RIPOR3: variants seen among roughly 807,000 people sequenced by gnomAD.
The protein encoded by RIPOR3 is family with sequence similarity 65 member C.
RIPOR3 carries 95 observed loss-of-function variants against 114.3 expected under a neutral mutation model. The observed-to-expected ratio is 0.83, with a 90% CI of 0.70 to 0.99. The LOEUF (loss-of-function observed/expected upper bound fraction) is 0.99. RIPOR3 is among the 50% of genes least tolerant of loss of function. The pLI, the probability that RIPOR3 is intolerant of heterozygous loss-of-function variation, is 0.00. For missense variants in RIPOR3, 1,252 were observed against 1,266.9 expected (o/e 0.99, Z 0.18); for synonymous variants, 575 against 543.8 (o/e 1.06, Z -0.80).
intron 2 of RIPOR3, among the ~76,000 whole-genome samples, chr20:50,623,778 G>T (rs1413651112): frequency 2.0e-5 from 3 of 152,182 alleles, no homozygotes; most frequent in African/African-American, 7.2e-5. Flanking sequence ...GCCGCCAGGA[G>T]CTCGCTAAGG....
At position 50,597,727 on chromosome 20, in the gene RIPOR3, C is replaced by T; in HGVS notation, c.1660-17G>A. ...TCTGCAGGGCTGTGGACGAAGTGGCCAGACCTGAGGGCAACACCGGGCCCC... is the reference window on the plus strand; with the variant it reads ...TCTGCAGGGCTGTGGACGAAGTGGCTAGACCTGAGGGCAACACCGGGCCCC... On this transcript the variant is annotated splice_polypyrimidine_tract_variant and intron_variant, in intron 13 of 21. Transcript: ENST00000327979. 2 of 1,610,850 alleles carry T rather than the reference C, an allele frequency of 1.2e-6. No individual in the cohort carries two copies. Among genetic ancestry groups the T allele is most frequent in the South Asian group, 1.1e-5 (1 of 90,522 alleles).
chr20:50,687,155 C>T (rs908291648), intron 1 of RIPOR3, among the ~76,000 whole-genome samples: 9 of 152,234 alleles, frequency 5.9e-5, no homozygotes, highest in East Asian at 3.8e-4. Flanking sequence ...GGAGCCGCTG[C>T]GGACAGAATC....
At chr20:50,658,338 G>C (rs2085885491) in intron 1 of RIPOR3, among the ~76,000 whole-genome samples, 1 of 152,154 alleles carries the variant, frequency 6.6e-6, no homozygotes, top group Non-Finnish European at 1.5e-5. Context: ...AAGAAAATAT[G>C]CCCATCACAC....
At chr20:50,592,098 A>T (rs954899245) in intron 19 of RIPOR3, among the ~76,000 whole-genome samples, 1 of 152,236 alleles carries the variant, frequency 6.6e-6, no homozygotes, top group East Asian at 1.9e-4. Context: ...ACAGACAGAC[A>T]AAAAACGCAC....
Position 50,602,174 on chromosome 20 carries a change from C to A in RIPOR3, c.1557G>T (p.Gly519=). 6.2e-7 allele frequency: 1 copy of A among 1,613,066 alleles called. No individual in the cohort carries two copies. Among genetic ancestry groups the A allele is most frequent in the Non-Finnish European group, 8.5e-7 (1 of 1,179,738 alleles). ...GCAACTCCAGGACCTCCTGCAGAGG[C>A]CCCTCGAGGGCCACGCCAGGCCCGT... is the stretch of plus-strand genomic sequence containing the variant. ...REDGPGVALE[G]PLQEVLELLR... is the part of the protein sequence containing the mutation. The change falls in exon 13 of 22, where the codon GGG becomes GGT. Residue 519 remains glycine, a synonymous_variant. Transcript: ENST00000327979. This position sits in a 1 kb window ranked among gnomAD's most constrained non-coding sequence, Gnocchi z 4.3.
In RIPOR3 at chr20:50,609,517, C is replaced by T. The variant is rs1329588793; in HGVS notation, c.576+56G>A. 4 of 1,437,848 alleles carry T rather than the reference C, an allele frequency of 2.8e-6. No homozygotes were observed. The East Asian group carries it at 1.0e-4, about 36-fold the overall frequency. The allele number at this position is 1,437,848 out of a possible 1,614,324, so 89.1% of individuals were successfully genotyped here. On this transcript the variant is annotated intron_variant, in intron 7 of 21. Coordinates refer to ENST00000327979, the MANE Select transcript of RIPOR3 (RefSeq NM_001290268.2). ...ACTGGCCCAGCTCTCGATGTCCCCA[C>T]TGCCCGGCCCAGCTCTTGCTGCCCC...
intron 11 of RIPOR3, among the ~76,000 whole-genome samples, chr20:50,606,651 A>C (rs1038255583): frequency 6.6e-6 from 1 of 152,092 alleles, no homozygotes; most frequent in Non-Finnish European, 1.5e-5. Context: ...AGGGTACTTA[A>C]AGCCCAGAAA....
intron 1 of RIPOR3, among the ~76,000 whole-genome samples, chr20:50,686,966 A>G (rs4809809): frequency 0.61 from 92,570 of 151,452 alleles, 29,060 homozygotes; most frequent in Middle Eastern, 0.7. Context: ...AAAACTGGAA[A>G]GGGCCCACCT....
chr20:50,625,065 C>CTT (rs201248716), intron 2 of RIPOR3, among the ~76,000 whole-genome samples: 50 of 142,922 alleles, frequency 3.5e-4, no homozygotes, highest in African/African-American at 1.1e-3. Context: ...GCTCTCAGTG[C>CTT]TTTTGTTTTT....
At chr20:50,657,537 G>C (rs2123438619) in intron 1 of RIPOR3, among the ~76,000 whole-genome samples, 1 of 152,036 alleles carries the variant, frequency 6.6e-6, no homozygotes, top group Non-Finnish European at 1.5e-5. Flanking sequence ...GAAAAAAAAA[G>C]AGAGAAAGAG....
intron 1 of RIPOR3, among the ~76,000 whole-genome samples, chr20:50,680,727 A>G (rs975906635): frequency 6.6e-5 from 10 of 152,126 alleles, no homozygotes; most frequent in Non-Finnish European, 1.5e-4. Flanking sequence ...CAGAGTGGAC[A>G]CTTGCTTTCC....
chr20:50,602,855 C>A lies in RIPOR3; in HGVS notation c.1087-211G>T, dbSNP rs10084519. On this transcript the variant is annotated intron_variant, in intron 12 of 21. Coordinates refer to ENST00000327979, the MANE Select transcript of RIPOR3 (RefSeq NM_001290268.2). This position sits in a 1 kb window ranked among gnomAD's most constrained non-coding sequence, Gnocchi z 4.3. The stretch of plus-strand genomic sequence containing the variant: ...CCATCCCGCCTCCAACTCACTCCCC[C>A]CAACCTCAACAGCCTCCTGGCTATT... Among the ~76,000 whole-genome samples, 33 of 152,344 alleles carry A rather than the reference C, an allele frequency of 2.2e-4. No individual in the cohort carries two copies. The highest frequency in any genetic ancestry group is 7.7e-4 in the African/African-American group (32 of 41,572).
At chr20:50,674,604 C>A (rs550803047) in intron 1 of RIPOR3, among the ~76,000 whole-genome samples, 1 of 147,692 alleles carries the variant, frequency 6.8e-6, no homozygotes, top group African/African-American at 2.5e-5. Flanking sequence ...AAGATGAGGT[C>A]ATACTAGATT....
Position 50,586,407 on chromosome 20 carries a change from G to A in RIPOR3, c.*825C>T, listed in dbSNP as rs1453707146. 1 of 152,196 alleles carries A rather than the reference G, an allele frequency of 6.6e-6. No individual in the cohort carries two copies. The highest frequency in any genetic ancestry group is 2.4e-5 in the African/African-American group (1 of 41,348). 9.4% of individuals were successfully genotyped at this position (152,196 alleles called of 1,614,324 possible). A position where few individuals can be genotyped will look rare whatever the true frequency, so the allele number is the denominator to read the frequency against. ...CGTTCTTCAGTGAACTCTTTCTTTA[G>A]GCCAGTTGATGGCTTCTTAGCAGTT... On this transcript the variant is annotated 3_prime_UTR_variant, in exon 22 of 22. Coordinates refer to ENST00000327979, the MANE Select transcript of RIPOR3 (RefSeq NM_001290268.2).
chr20:50,616,603 G>T (rs539361572), intron 3 of RIPOR3, among the ~76,000 whole-genome samples: 2 of 152,180 alleles, frequency 1.3e-5, no homozygotes, highest in East Asian at 3.9e-4. Context: ...CTTGGCCTCC[G>T]AAAGTGCTGG....
At chr20:50,631,135 A>AG (rs2084805973) in intron 1 of RIPOR3, among the ~76,000 whole-genome samples, 1 of 152,110 alleles carries the variant, frequency 6.6e-6, no homozygotes. Flanking sequence ...TCCCAGAGCA[A>AG]GGGGACAGCA....
intron 1 of RIPOR3, among the ~76,000 whole-genome samples, chr20:50,684,670 CAG>C (rs2086957936): frequency 6.6e-6 from 1 of 152,172 alleles, no homozygotes; most frequent in Admixed American, 6.6e-5. Flanking sequence ...TGCAATAGCC[CAG>C]AGAGAGACAC....
At chr20:50,601,478 G>C (rs2083490771) in intron 13 of RIPOR3, among the ~76,000 whole-genome samples, 1 of 152,170 alleles carries the variant, frequency 6.6e-6, no homozygotes, top group Non-Finnish European at 1.5e-5. Flanking sequence ...AGCGTGTTCA[G>C]GGAAGGACAC....
intron 5 of RIPOR3, 29 bp downstream of exon 5, chr20:50,611,152 C>T: frequency 6.2e-7 from 1 of 1,614,146 alleles, no homozygotes; most frequent in Non-Finnish European, 8.5e-7. Context: ...CCAGGCCCAG[C>T]CCACCTCACT....
Sources: gnomAD v4.1 joint callset for allele counts (sites outside exome capture counted in the v4.1 genomes callset) on GRCh38, gnomAD v4.1.1 for gene constraint, Gnocchi (gnomAD v3.1) non-coding constraint, MANE v1.5 for transcripts, NCBI Gene and HGNC (gene_info 2026-07-23, HGNC 2026-07-21) for gene names.